Variants in TSNARE1 observed in about 807,000 individuals in gnomAD.
TSNARE1 encodes the protein t-SNARE domain-containing protein 1.
In TSNARE1, 49 loss-of-function variants were observed where a neutral mutation model predicts 62.0. The ratio of observed to expected loss-of-function variants is 0.79; its 90% CI spans 0.63 to 1.00. The LOEUF (loss-of-function observed/expected upper bound fraction) is 1.00. TSNARE1 is among the 50% of genes least tolerant of loss of function. The probability of loss-of-function intolerance (pLI) is 0.00; values close to 1 mark genes in which losing one functional copy is unlikely to be tolerated. For missense variants in TSNARE1, 755 were observed against 700.1 expected, an observed-to-expected ratio of 1.08 and a Z score of -0.88; for synonymous variants, 328 against 294.4, an observed-to-expected ratio of 1.11 and a Z score of -1.17.
At chr8:142,234,747 CATG>C (rs1303604411) in intron 12 of TSNARE1, among the ~76,000 whole-genome samples, 3 of 152,120 alleles carry the variant, frequency 2.0e-5, no homozygotes, top group African/African-American at 7.2e-5. Context: ...ATCCCATTAA[CATG>C]AGGGTCCACA....
intron 12 of TSNARE1, among the ~76,000 whole-genome samples, chr8:142,248,964 C>G (rs1164862028): frequency 1.3e-5 from 2 of 152,240 alleles, no homozygotes; most frequent in Non-Finnish European, 2.9e-5. Flanking sequence ...TCTAGAAGGG[C>G]CACGCCTTTG....
intron 12 of TSNARE1, among the ~76,000 whole-genome samples, chr8:142,235,732 C>A (rs2130131793): frequency 6.6e-6 from 1 of 152,278 alleles, no homozygotes; most frequent in Non-Finnish European, 1.5e-5. Flanking sequence ...CTTGGGCACT[C>A]ACTTTAGGCC....
intron 12 of TSNARE1, among the ~76,000 whole-genome samples, chr8:142,233,803 C>T (rs1479480465): frequency 6.6e-6 from 1 of 152,160 alleles, no homozygotes; most frequent in Non-Finnish European, 1.5e-5. Flanking sequence ...TCAGCCCCAC[C>T]ACCTCCAGGA....
At chr8:142,260,073 G>A (rs1586883999) in intron 12 of TSNARE1, among the ~76,000 whole-genome samples, 1 of 151,858 alleles carries the variant, frequency 6.6e-6, no homozygotes, top group South Asian at 2.1e-4. Context: ...ACAGTTAAGT[G>A]TCTCTTCCTC....
chr8:142,359,312 G>A (rs904720112), intron 1 of TSNARE1, among the ~76,000 whole-genome samples: 2 of 152,086 alleles, frequency 1.3e-5, no homozygotes, highest in Non-Finnish European at 2.9e-5. Flanking sequence ...CTGCCTGAGG[G>A]AGGCTGCACG....
intron 1 of TSNARE1, among the ~76,000 whole-genome samples, chr8:142,377,339 T>C (rs1836416669): frequency 6.6e-6 from 1 of 151,810 alleles, no homozygotes. Context: ...GAACACAGAC[T>C]TGGCAGCATA....
intron 4 of TSNARE1, among the ~76,000 whole-genome samples, chr8:142,340,028 C>G (rs1003903197): frequency 6.6e-6 from 1 of 152,216 alleles, no homozygotes; most frequent in Non-Finnish European, 1.5e-5. Flanking sequence ...CATTCTGGGG[C>G]AGGGTCGGGG....
In TSNARE1 at chr8:142,344,416, T is replaced by C; in HGVS notation, c.295A>G (p.Ile99Val). ...GCAGCCGAGTCCTTCCTCGGGCCAA[T>C]GGTGGGTGATGAGGTGGGCTCCGGC... Reference protein sequence around the residue: ...RMPEPTSSPTIGPRKDSAAGP... With the variant: ...RMPEPTSSPTVGPRKDSAAGP... The change falls in exon 4 of 14, where the codon ATT becomes GTT. Residue 99 changes from isoleucine to valine, a missense_variant. Ile to Val is a conservative substitution (Grantham distance 29). Coordinates refer to ENST00000524325, the MANE Select transcript of TSNARE1 (RefSeq NM_145003.5). 1.9e-6 allele frequency: 3 copies of C among 1,588,472 alleles called. No homozygotes were observed. The highest frequency in any genetic ancestry group is 3.4e-4 in the Middle Eastern group (2 of 5,970).
intron 4 of TSNARE1, among the ~76,000 whole-genome samples, chr8:142,332,116 G>A (rs189602732): frequency 9.2e-5 from 14 of 152,230 alleles, no homozygotes; most frequent in East Asian, 5.8e-4. Context: ...AGCAGCTGGC[G>A]TGTGTGCCCG....
At position 142,341,006 on chromosome 8, in the gene TSNARE1, G is replaced by T. The variant is rs577880534; in HGVS notation, c.745+2960C>A. 2.5e-4 allele frequency among the ~76,000 whole-genome samples: 38 copies of T among 152,358 alleles called. No homozygotes were observed. In the South Asian group the frequency reaches 7.7e-3, roughly 31 times the overall value. On this transcript the variant is annotated intron_variant, in intron 4 of 13. Transcript: ENST00000524325. ...AGCCTGTTTCAAAGTCAAAGACGAG[G>T]TATGCAATTAGAGAAATGCCCCTCA...
intron 1 of TSNARE1, among the ~76,000 whole-genome samples, chr8:142,396,260 C>T (rs566230285): frequency 5.3e-5 from 8 of 152,128 alleles, no homozygotes; most frequent in Non-Finnish European, 1.2e-4. Context: ...CGCACACACC[C>T]GCGCACCTGG....
intron 12 of TSNARE1, among the ~76,000 whole-genome samples, chr8:142,233,051 C>T (rs1027223185): frequency 1.3e-5 from 2 of 152,200 alleles, no homozygotes; most frequent in Non-Finnish European, 2.9e-5. Flanking sequence ...AGCCACCCTC[C>T]CCAAGCTGAG....
intron 13 of TSNARE1, among the ~76,000 whole-genome samples, chr8:142,213,330 C>G (rs964840945): frequency 6.8e-6 from 1 of 146,696 alleles, no homozygotes; most frequent in African/African-American, 2.6e-5. Context: ...AGCCCCTCTC[C>G]TGGGGAGCAG....
Position 142,382,064 on chromosome 8 carries a change from G to C in TSNARE1, c.-40+21040C>G, listed in dbSNP as rs866272374. 3.5e-4 allele frequency among the ~76,000 whole-genome samples: 53 copies of C among 152,212 alleles called. 1 individual carries two copies. Among genetic ancestry groups the C allele is most frequent in the African/African-American group, 1.2e-3 (51 of 41,548 alleles). On this transcript the variant is annotated intron_variant, in intron 1 of 13. Transcript: ENST00000524325. ...GGCCTGGCCGTTCCCAGGCCCACGC[G>C]CCCCTGCCAGCATCAGCCCTGTGCA...
At chr8:142,218,173 A>AGG (rs1816025085) in intron 13 of TSNARE1, among the ~76,000 whole-genome samples, 1 of 146,814 alleles carries the variant, frequency 6.8e-6, no homozygotes, top group African/African-American at 2.5e-5. Context: ...GTCAGGCCTC[A>AGG]GTGTGACCAG....
intron 1 of TSNARE1, among the ~76,000 whole-genome samples, chr8:142,384,496 T>C (rs959050084): frequency 1.3e-5 from 2 of 152,094 alleles, no homozygotes; most frequent in African/African-American, 4.8e-5. Flanking sequence ...ACCCAAAGAA[T>C]AGAATAAAGA....
At chr8:142,406,532 C>G (rs1325125595), upstream of TSNARE1, 1 of 152,256 alleles carries the variant, frequency 6.6e-6, no homozygotes, top group East Asian at 1.9e-4. Flanking sequence ...TGCCTGTTTT[C>G]CACATGTCCC....
rs1350998239 is a variant in TSNARE1 at position 142,212,237 on chromosome 8, T to C, written c.*88A>G. The C allele has an allele frequency of 6.6e-6, 1 of 152,078 alleles. No homozygotes were observed. Among genetic ancestry groups the C allele is most frequent in the Non-Finnish European group, 1.5e-5 (1 of 68,052 alleles). The allele number at this position is 152,078 out of a possible 1,614,324, so 9.4% of individuals were successfully genotyped here. On this transcript the variant is annotated 3_prime_UTR_variant, in exon 14 of 14. Transcript: ENST00000524325. ...TGACAACGCAGCGGACTCCATCAGC[T>C]CCCAGCTCCGGGCCAGGAGGGGTGC... is the stretch of plus-strand genomic sequence containing the variant.
intron 10 of TSNARE1, among the ~76,000 whole-genome samples, chr8:142,288,542 C>A (rs574996297): frequency 6.6e-6 from 1 of 152,364 alleles, no homozygotes; most frequent in East Asian, 1.9e-4. Flanking sequence ...GCCCCGGGTC[C>A]TCCTGGGCAG....
Sources: allele counts gnomAD v4.1 joint callset (sites outside exome capture counted in the v4.1 genomes callset), GRCh38; gene constraint gnomAD v4.1.1; transcripts MANE v1.5; gene names NCBI Gene and HGNC (gene_info 2026-07-23, HGNC 2026-07-21).